Variants in BCLAF3 observed in about 807,000 individuals in gnomAD.
BCLAF3 encodes transient octamer binding factor 1.
Under a neutral mutation model 51.2 loss-of-function variants are expected in BCLAF3, and 24 were observed. The ratio of observed to expected loss-of-function variants is 0.47; its 90% confidence interval spans 0.34 to 0.66. The LOEUF is 0.66. Among genes scored for constraint, BCLAF3 ranks in the 30% least tolerant of loss-of-function variants. The probability of loss-of-function intolerance (pLI) is 0.01; values close to 1 mark genes in which losing one functional copy is unlikely to be tolerated. For missense variants in BCLAF3, 465 were observed against 525.1 expected (o/e 0.89, Z 1.12); for synonymous variants, 152 against 176.6 (o/e 0.86, Z 1.10).
At chrX:19,964,550 G>C (rs1041059043) in intron 4 of BCLAF3, among the ~76,000 whole-genome samples, 2 of 110,161 alleles carry the variant, frequency 1.8e-5, no homozygotes, top group African/African-American at 6.6e-5. Context: ...ACGTGGATTT[G>C]AGCCCGAGCC....
intron 11 of BCLAF3, among the ~76,000 whole-genome samples, chrX:19,917,676 G>A (rs895775480): frequency 3.6e-5 from 4 of 111,773 alleles, no homozygotes; most frequent in African/African-American, 9.7e-5. Context: ...TCTCAAGTAC[G>A]GAGCCTGACA....
chrX:19,958,510 G>A (rs1034663859), intron 4 of BCLAF3, among the ~76,000 whole-genome samples: 2 of 112,238 alleles, frequency 1.8e-5, no homozygotes, highest in African/African-American at 3.2e-5. Context: ...GCATAACGGC[G>A]TTTCCATTAA....
intron 8 of BCLAF3, among the ~76,000 whole-genome samples, chrX:19,947,910 C>A (rs2071362302): frequency 8.9e-6 from 1 of 112,064 alleles, no homozygotes; most frequent in South Asian, 3.7e-4. Flanking sequence ...TGGAAACTAC[C>A]CTGACTTGAT....
chrX:19,955,318 G>T, intron 5 of BCLAF3, 73 bp downstream of exon 5: 1 of 740,876 alleles, frequency 1.3e-6, no homozygotes, highest in Non-Finnish European at 1.9e-6. Context: ...CTATACTGCA[G>T]GTGTTTACCT....
intron 1 of BCLAF3, among the ~76,000 whole-genome samples, chrX:19,987,262 A>G (rs2072832390): frequency 1.8e-5 from 2 of 111,627 alleles, no homozygotes; most frequent in African/African-American, 3.3e-5. Context: ...ATTTTTCCCA[A>G]TATTCCATAT....
At chrX:19,947,805 T>C (rs993569417) in intron 8 of BCLAF3, among the ~76,000 whole-genome samples, 1 of 112,518 alleles carries the variant, frequency 8.9e-6, no homozygotes, top group African/African-American at 3.2e-5. Flanking sequence ...ACAGAAAGGC[T>C]GCATACAACT....
At chrX:19,986,012 A>T (rs1416397753) in intron 1 of BCLAF3, among the ~76,000 whole-genome samples, 1 of 111,753 alleles carries the variant, frequency 8.9e-6, no homozygotes, top group Admixed American at 9.6e-5. Context: ...AAAAACAGAA[A>T]AACAGATCTA....
intron 1 of BCLAF3, among the ~76,000 whole-genome samples, chrX:19,986,756 G>A (rs763406595): frequency 1.8e-5 from 2 of 108,732 alleles, no homozygotes; most frequent in South Asian, 8.0e-4. Context: ...GTGATTAGAG[G>A]TCTAGGAATG....
chrX:19,935,867 G>A lies in BCLAF3; in HGVS notation c.1892C>T (p.Thr631Ile), dbSNP rs139288446. 3.2e-5 allele frequency: 39 copies of A among 1,208,280 alleles called. No homozygotes were observed. The highest frequency in any genetic ancestry group is 4.1e-5 in the Non-Finnish European group (37 of 893,843). ...NYTTQRKDII[T>I]HKPFEVEGNH... ...TCCCTCAACCTCAAATGGTTTGTGA[G>A]TAATTATGTCTTTTCTCTGCGTAGT... is the stretch of plus-strand genomic sequence containing the variant. The change falls in exon 10 of 12, where the codon ACT becomes ATT. Residue 631 changes from threonine to isoleucine, a missense_variant. Coordinates refer to ENST00000379682, the MANE Select transcript of BCLAF3 (RefSeq NM_001367774.2).
intron 9 of BCLAF3, among the ~76,000 whole-genome samples, chrX:19,936,411 GAAGAACCTA>G (rs1261333937): frequency 2.7e-5 from 3 of 111,967 alleles, no homozygotes; most frequent in Non-Finnish European, 5.6e-5. Context: ...CTGTAACTAT[GAAGAACCTA>G]AATCCTCTGG....
chrX:19,985,341 G>C (rs934442152), intron 1 of BCLAF3, among the ~76,000 whole-genome samples: 1 of 111,986 alleles, frequency 8.9e-6, no homozygotes, highest in Non-Finnish European at 1.9e-5. Flanking sequence ...TGCTTTGGGA[G>C]GCTAAGGTGG....
At position 19,966,772 on chromosome X, in the gene BCLAF3, T is replaced by A. The variant is rs777082830; in HGVS notation, c.42-123A>T. 57 of 547,186 alleles carry A rather than the reference T, an allele frequency of 1.0e-4. No individual in the cohort carries two copies. The African/African-American group carries it at 1.2e-3, about 12-fold the overall frequency. 45.1% of individuals were successfully genotyped at this position (547,186 alleles called of 1,213,427 possible). The stretch of plus-strand genomic sequence containing the variant: ...GCTTCTTCCACTCAAACTAAATTCA[T>A]CAATTTGCTACATCTGCATTCTAAA... On this transcript the variant is annotated intron_variant, in intron 2 of 11. Transcript: ENST00000379682.
intron 11 of BCLAF3, among the ~76,000 whole-genome samples, chrX:19,919,430 C>T (rs2147653137): frequency 8.9e-6 from 1 of 111,853 alleles, no homozygotes; most frequent in East Asian, 2.8e-4. Context: ...GTCTGTAATC[C>T]CAGCTACTTG....
intron 8 of BCLAF3, among the ~76,000 whole-genome samples, chrX:19,941,773 A>G (rs2071061484): frequency 9.9e-6 from 1 of 100,528 alleles, no homozygotes; most frequent in South Asian, 4.8e-4. Flanking sequence ...TTGGTTCCAT[A>G]TGAACTTTAA....
At chrX:19,956,350 T>C (rs2071663195) in intron 4 of BCLAF3, among the ~76,000 whole-genome samples, 1 of 111,741 alleles carries the variant, frequency 8.9e-6, no homozygotes, top group South Asian at 3.7e-4. Flanking sequence ...CATGCCCTCA[T>C]GTGGGGGGCT....
chrX:19,938,272 T>A (rs1252429435), intron 8 of BCLAF3, among the ~76,000 whole-genome samples: 1 of 111,116 alleles, frequency 9.0e-6, no homozygotes, highest in African/African-American at 3.3e-5. Flanking sequence ...CTCTTTCCCA[T>A]GGATTCCCCA....
At chrX:19,952,678 A>G (rs2071529460) in intron 7 of BCLAF3, among the ~76,000 whole-genome samples, 1 of 111,682 alleles carries the variant, frequency 9.0e-6, no homozygotes, top group African/African-American at 3.3e-5. Context: ...TACCTAACAT[A>G]CTTTCCATAA....
chrX:19,923,295 G>A (rs2070236225), intron 11 of BCLAF3: 1 of 120,793 alleles, frequency 8.3e-6, no homozygotes, highest in South Asian at 2.3e-4. Context: ...ATGTAGTAAT[G>A]AATGAGTGAT....
intron 7 of BCLAF3, among the ~76,000 whole-genome samples, chrX:19,951,966 C>T (rs1032141441): frequency 9.0e-6 from 1 of 111,055 alleles, no homozygotes; most frequent in African/African-American, 3.3e-5. Flanking sequence ...AAGGTCATAG[C>T]GAATTCAGAG....
Sources: gnomAD v4.1 joint callset for allele counts (sites outside exome capture counted in the v4.1 genomes callset) on GRCh38, gnomAD v4.1.1 for gene constraint, MANE v1.5 for transcripts, NCBI Gene and HGNC (gene_info 2026-07-23, HGNC 2026-07-21) for gene names.